The following MARCHF3 variants were observed in gnomAD, a reference collection of about 807,000 sequenced individuals.
The protein encoded by MARCHF3 is membrane associated ring-CH-type finger 3.
MARCHF3 carries 13 observed loss-of-function variants against 24.2 expected under a neutral mutation model. The observed-to-expected ratio is 0.54, with a 90% CI of 0.35 to 0.85. MARCHF3 has a LOEUF of 0.85. Among genes scored for constraint, MARCHF3 ranks in the 40% least tolerant of loss-of-function variants. The probability of loss-of-function intolerance (pLI) is 0.01; values close to 1 mark genes in which losing one functional copy is unlikely to be tolerated. For synonymous variants in MARCHF3, 144 were observed against 137.3 expected, an observed-to-expected ratio of 1.05 and a Z score of -0.34; for missense variants, 276 against 325.0, an observed-to-expected ratio of 0.85 and a Z score of 1.16.
At chr5:126,974,088 C>T (rs190913947) in intron 1 of MARCHF3, among the ~76,000 whole-genome samples, 9 of 150,496 alleles carry the variant, frequency 6.0e-5, no homozygotes, top group East Asian at 4.0e-4. Flanking sequence ...TTAGTAGAGA[C>T]GGGGTTTCAC....
At chr5:126,931,127 T>C (rs62392903) in intron 1 of MARCHF3, among the ~76,000 whole-genome samples, 1,627 of 152,302 alleles carry the variant, frequency 0.011, 16 homozygotes, top group Non-Finnish European at 0.018. Context: ...GATTCTGAAA[T>C]GGTTCTGCAG....
rs561005302 is a variant in MARCHF3, at chr5:127,027,635, G to A, written c.-57+2715C>T. 7.8e-4 allele frequency among the ~76,000 whole-genome samples: 119 copies of A among 152,242 alleles called. 1 individual carries two copies. The highest frequency in any genetic ancestry group is 1.3e-3 in the Non-Finnish European group (90 of 68,010). ...ACTTCCTTAGAATCAGGGCCAACCT[G>A]GAATAGGGATAGCTGAGGATTCCAA... is the stretch of plus-strand genomic sequence containing the variant. On this transcript the variant is annotated intron_variant, in intron 1 of 4. Coordinates refer to ENST00000308660, the MANE Select transcript of MARCHF3 (RefSeq NM_178450.5).
chr5:126,903,572 C>A (rs1043416521), intron 3 of MARCHF3, among the ~76,000 whole-genome samples: 2 of 151,966 alleles, frequency 1.3e-5, no homozygotes, highest in Admixed American at 6.6e-5. Flanking sequence ...TATTAAAAAT[C>A]AAAACCAAAC....
intron 1 of MARCHF3, among the ~76,000 whole-genome samples, chr5:126,959,326 C>T (rs774049896): frequency 3.3e-5 from 5 of 152,126 alleles, no homozygotes; most frequent in African/African-American, 4.8e-5. Flanking sequence ...ATGTGAAAAA[C>T]AGCAAACAAA....
intron 4 of MARCHF3, among the ~76,000 whole-genome samples, chr5:126,871,031 C>T (rs1210128284): frequency 6.6e-6 from 1 of 152,192 alleles, no homozygotes; most frequent in African/African-American, 2.4e-5. Context: ...TCCTTTGTTC[C>T]TCCTCATACC....
intron 1 of MARCHF3, among the ~76,000 whole-genome samples, chr5:126,941,417 T>C (rs1189763637): frequency 6.6e-6 from 1 of 151,696 alleles, no homozygotes. Context: ...GAGGAAAATC[T>C]TGACACCATC....
At chr5:126,950,406 T>C (rs577584742) in intron 1 of MARCHF3, among the ~76,000 whole-genome samples, 2 of 152,206 alleles carry the variant, frequency 1.3e-5, no homozygotes, top group South Asian at 2.1e-4. Flanking sequence ...AAATCTCCAA[T>C]ACTTTCTTCC....
At chr5:126,981,678 A>G (rs558956160) in intron 1 of MARCHF3, among the ~76,000 whole-genome samples, 2 of 152,356 alleles carry the variant, frequency 1.3e-5, no homozygotes, top group African/African-American at 4.8e-5. Flanking sequence ...TGCATGCACA[A>G]AATTTCCCTC....
At chr5:126,902,880 C>A (rs1010567158) in intron 3 of MARCHF3, among the ~76,000 whole-genome samples, 3 of 152,056 alleles carry the variant, frequency 2.0e-5, no homozygotes, top group African/African-American at 7.3e-5. Context: ...TTCCACGAGT[C>A]CACGTGGAGG....
At chr5:127,003,482 T>A (rs1752206480) in intron 1 of MARCHF3, among the ~76,000 whole-genome samples, 1 of 150,544 alleles carries the variant, frequency 6.6e-6, no homozygotes, top group Admixed American at 6.6e-5. Context: ...GCCGGCGCGG[T>A]GGCTCACGCC....
At chr5:127,012,807 A>T (rs1425875928) in intron 1 of MARCHF3, among the ~76,000 whole-genome samples, 2 of 152,262 alleles carry the variant, frequency 1.3e-5, no homozygotes, top group Admixed American at 1.3e-4. Flanking sequence ...AGAAGAATGC[A>T]ATCAGTGCAA....
chr5:126,973,455 C>T (rs1224142898), intron 1 of MARCHF3, among the ~76,000 whole-genome samples: 4 of 152,230 alleles, frequency 2.6e-5, no homozygotes, highest in Non-Finnish European at 5.9e-5. Context: ...GTATAGCTTC[C>T]ACCTGTAGGG....
chr5:126,981,279 A>T (rs1480494394), intron 1 of MARCHF3, among the ~76,000 whole-genome samples: 7 of 151,982 alleles, frequency 4.6e-5, no homozygotes. Flanking sequence ...TAGTAGGGGG[A>T]CTCTACCTCC....
intron 3 of MARCHF3, among the ~76,000 whole-genome samples, chr5:126,909,392 G>T (rs1047085556): frequency 1.8e-4 from 27 of 152,334 alleles, no homozygotes; most frequent in African/African-American, 6.5e-4. Flanking sequence ...ATCAAGCCTG[G>T]GCAATGGCGG....
At chr5:126,964,693 C>T (rs1328099681) in intron 1 of MARCHF3, among the ~76,000 whole-genome samples, 1 of 152,174 alleles carries the variant, frequency 6.6e-6, no homozygotes, top group East Asian at 1.9e-4. Flanking sequence ...GCAGATACAT[C>T]TTAATCTCTC....
chr5:127,006,693 T>G (rs1320909888), intron 1 of MARCHF3, among the ~76,000 whole-genome samples: 2 of 152,216 alleles, frequency 1.3e-5, no homozygotes, highest in African/African-American at 4.8e-5. Flanking sequence ...CAGTTCTTCA[T>G]TAAGTATTTT....
intron 3 of MARCHF3, among the ~76,000 whole-genome samples, chr5:126,913,900 A>C (rs1754622612): frequency 6.6e-6 from 1 of 151,848 alleles, no homozygotes; most frequent in South Asian, 2.1e-4. Context: ...TCTGAATCAT[A>C]GATACAATGT....
intron 1 of MARCHF3, among the ~76,000 whole-genome samples, chr5:127,001,558 G>T (rs1373563985): frequency 6.6e-6 from 1 of 152,098 alleles, no homozygotes; most frequent in Middle Eastern, 3.2e-3. Context: ...AGTCATATTT[G>T]CTTCCCTCCC....
chr5:126,936,036 C>G (rs1207704765), intron 1 of MARCHF3, among the ~76,000 whole-genome samples: 1 of 152,134 alleles, frequency 6.6e-6, no homozygotes, highest in Non-Finnish European at 1.5e-5. Context: ...GCTCAGGCTA[C>G]ACAGAAAGTA....
Sources: allele counts gnomAD v4.1 joint callset (sites outside exome capture counted in the v4.1 genomes callset), GRCh38; gene constraint gnomAD v4.1.1; transcripts MANE v1.5; gene names NCBI Gene and HGNC (gene_info 2026-07-23, HGNC 2026-07-21).